Variants in BTF3L4 observed in about 807,000 individuals in gnomAD.
BTF3L4 encodes basic transcription factor 3 like 4.
In BTF3L4, 6 loss-of-function variants were observed where a neutral mutation model predicts 16.8. The observed-to-expected ratio is 0.36, with a 90% CI of 0.20 to 0.71. BTF3L4 has a LOEUF of 0.71. BTF3L4 is among the 30% of genes least tolerant of loss of function. The pLI, the probability that BTF3L4 is intolerant of heterozygous loss-of-function variation, is 0.58. For synonymous variants in BTF3L4, 39 were observed against 59.8 expected, an observed-to-expected ratio of 0.65 and a Z score of 1.60; for missense variants, 92 against 186.9, an observed-to-expected ratio of 0.49 and a Z score of 2.96.
At chr1:52,063,554 C>T (rs908231863) in intron 2 of BTF3L4, among the ~76,000 whole-genome samples, 1 of 152,172 alleles carries the variant, frequency 6.6e-6, no homozygotes, top group Non-Finnish European at 1.5e-5. Flanking sequence ...GAGATTGAAA[C>T]CACTATTCCT....
intron 1 of BTF3L4, among the ~76,000 whole-genome samples, chr1:52,057,746 T>C (rs1686409849): frequency 1.3e-5 from 2 of 152,218 alleles, no homozygotes; most frequent in Admixed American, 6.5e-5. Context: ...GTTCCTCCCC[T>C]ACTGCCTTGA....
chr1:52,057,074 A>G (rs1270778050), intron 1 of BTF3L4, among the ~76,000 whole-genome samples: 1 of 152,174 alleles, frequency 6.6e-6, no homozygotes, highest in Non-Finnish European at 1.5e-5. Context: ...AACCCTCAAA[A>G]CAACCCTGTG....
At chr1:52,081,710 G>A (rs144845719) in intron 3 of BTF3L4, among the ~76,000 whole-genome samples, 108 of 152,328 alleles carry the variant, frequency 7.1e-4, no homozygotes, top group Middle Eastern at 6.8e-3. Context: ...GAATGCTTGT[G>A]TGTGATATAA....
intron 3 of BTF3L4, among the ~76,000 whole-genome samples, chr1:52,075,173 T>G (rs988691292): frequency 2.0e-5 from 3 of 152,234 alleles, no homozygotes; most frequent in African/African-American, 7.2e-5. Context: ...TATACTGTAC[T>G]GTAATTTAAC....
rs1185680306 is a variant in BTF3L4, at chr1:52,089,140, A to G, written c.*2382A>G. On this transcript the variant is annotated 3_prime_UTR_variant, in exon 6 of 6. Coordinates refer to ENST00000313334, the MANE Select transcript of BTF3L4 (RefSeq NM_152265.5). The stretch of plus-strand genomic sequence containing the variant: ...TCATTTGAAATTTTTCAGGGAAGGG[A>G]TTTTATCATTTGTTCAGAGATGTCT... 6.6e-6 allele frequency: 1 copy of G among 152,012 alleles called. No individual in the cohort carries two copies. Among genetic ancestry groups the G allele is most frequent in the Non-Finnish European group, 1.5e-5 (1 of 68,000 alleles). The allele number at this position is 152,012 out of a possible 1,614,324, so 9.4% of individuals were successfully genotyped here.
intron 3 of BTF3L4, among the ~76,000 whole-genome samples, chr1:52,077,276 T>C (rs923112005): frequency 1.3e-5 from 2 of 152,220 alleles, no homozygotes; most frequent in Non-Finnish European, 2.9e-5. Context: ...GCGCGGTAGC[T>C]CCTACCTGTA....
chr1:52,063,862 A>G (rs529218253), intron 2 of BTF3L4, among the ~76,000 whole-genome samples: 1 of 152,264 alleles, frequency 6.6e-6, no homozygotes, highest in South Asian at 2.1e-4. Flanking sequence ...CTTCACTGCC[A>G]TATCCCTCAT....
At chr1:52,079,298 G>A (rs1016999070) in intron 3 of BTF3L4, among the ~76,000 whole-genome samples, 2 of 149,648 alleles carry the variant, frequency 1.3e-5, no homozygotes, top group Non-Finnish European at 2.9e-5. Flanking sequence ...CAGGAGAATC[G>A]CTTGAATCCG....
rs1643995107 is a variant in BTF3L4 at position 52,088,894 on chromosome 1, A to C, written c.*2136A>C. On this transcript the variant is annotated 3_prime_UTR_variant, in exon 6 of 6. Transcript: ENST00000313334. Reference sequence around the variant, plus strand: ...CAGATTCAAGCGATTCTCCTGTCTCAGCCTCCACAGTAGCTGGGATTTTTT... The same window carrying C: ...CAGATTCAAGCGATTCTCCTGTCTCCGCCTCCACAGTAGCTGGGATTTTTT... 6.7e-6 allele frequency: 1 copy of C among 149,878 alleles called. No homozygotes were observed. Among genetic ancestry groups the C allele is most frequent in the Non-Finnish European group, 1.5e-5 (1 of 67,796 alleles). 9.3% of individuals were successfully genotyped at this position (149,878 alleles called of 1,614,324 possible). A position where few individuals can be genotyped will look rare whatever the true frequency, so the allele number is the denominator to read the frequency against.
chr1:52,078,343 A>G (rs900649382), intron 3 of BTF3L4, among the ~76,000 whole-genome samples: 2 of 151,626 alleles, frequency 1.3e-5, no homozygotes, highest in Non-Finnish European at 1.5e-5. Context: ...GATTACAGAC[A>G]TGAGCCACCA....
In BTF3L4 at chr1:52,062,783, T is replaced by C. The variant is rs149143369; in HGVS notation, c.55-2042T>C. Among the ~76,000 whole-genome samples the C allele has an allele frequency of 6.9e-4, 105 of 152,352 alleles. 1 individual carries two copies. Among genetic ancestry groups the C allele is most frequent in the South Asian group, 4.1e-4 (2 of 4,832 alleles). ...TCTAAGGCAGCAGTCCGCAATCTTTTTGGCACCAGGGACTGGTTTCGTGGA... is the reference window on the plus strand; with the variant it reads ...TCTAAGGCAGCAGTCCGCAATCTTTCTGGCACCAGGGACTGGTTTCGTGGA... On this transcript the variant is annotated intron_variant, in intron 2 of 5. Coordinates refer to ENST00000313334, the MANE Select transcript of BTF3L4 (RefSeq NM_152265.5).
At chr1:52,084,580 C>A (rs1643953075) in intron 4 of BTF3L4, among the ~76,000 whole-genome samples, 1 of 151,768 alleles carries the variant, frequency 6.6e-6, no homozygotes, top group South Asian at 2.1e-4. Flanking sequence ...TTTCTTGAGG[C>A]CAGGAGCTCA....
intron 3 of BTF3L4, among the ~76,000 whole-genome samples, chr1:52,078,242 T>TTTC (rs67665191): frequency 1.5e-4 from 23 of 150,892 alleles, no homozygotes; most frequent in Admixed American, 9.3e-4. Context: ...TTTTTTTTTT[T>TTTC]TGGTAGTGAT....
chr1:52,076,144 C>T (rs1199033052), intron 3 of BTF3L4, among the ~76,000 whole-genome samples: 8 of 152,088 alleles, frequency 5.3e-5, no homozygotes, highest in African/African-American at 1.7e-4. Context: ...TTAGTGGTGG[C>T]GTATGCCTGT....
At chr1:52,062,768 C>T (rs1014346180) in intron 2 of BTF3L4, among the ~76,000 whole-genome samples, 14 of 152,210 alleles carry the variant, frequency 9.2e-5, no homozygotes, top group Admixed American at 7.9e-4. Flanking sequence ...TCTAAGGCAG[C>T]AGTCCGCAAT....
rs775929474 is a variant in BTF3L4 at position 52,086,066 on chromosome 1, A to C, written c.371-46A>C. Reference sequence around the variant, plus strand: ...GGGATAAACATTATAAGTTTTCTTTAAGGTCTTTGTTCTCAATGACTAATA... The same window carrying C: ...GGGATAAACATTATAAGTTTTCTTTCAGGTCTTTGTTCTCAATGACTAATA... On this transcript the variant is annotated intron_variant, in intron 4 of 5. Coordinates refer to ENST00000313334, the MANE Select transcript of BTF3L4 (RefSeq NM_152265.5). 26 of 1,327,176 alleles carry C rather than the reference A, an allele frequency of 2.0e-5. No homozygotes were observed. The South Asian group carries it at 2.5e-4, about 13-fold the overall frequency. 82.2% of individuals were successfully genotyped at this position (1,327,176 alleles called of 1,614,324 possible).
rs1643988157 is a variant in BTF3L4, at chr1:52,088,101, C to T, written c.*1343C>T. On this transcript the variant is annotated 3_prime_UTR_variant, in exon 6 of 6. Coordinates refer to ENST00000313334, the MANE Select transcript of BTF3L4 (RefSeq NM_152265.5). ...CTTTTTGCTATATCAGCATTTGTTA[C>T]AGCCAATATTTAAGGACAAAATTTA... is the stretch of plus-strand genomic sequence containing the variant. 6.6e-6 allele frequency: 1 copy of T among 152,596 alleles called. No individual in the cohort carries two copies. The highest frequency in any genetic ancestry group is 6.5e-5 in the Admixed American group (1 of 15,274). 9.5% of individuals were successfully genotyped at this position (152,596 alleles called of 1,614,324 possible). A position where few individuals can be genotyped will look rare whatever the true frequency, so the allele number is the denominator to read the frequency against.
At chr1:52,069,664 A>G (rs1686735423) in intron 3 of BTF3L4, among the ~76,000 whole-genome samples, 1 of 152,220 alleles carries the variant, frequency 6.6e-6, no homozygotes, top group Admixed American at 6.5e-5. Context: ...TTGTGAAACA[A>G]TATGATAGTA....
chr1:52,084,064 A>G (rs1188232610), intron 4 of BTF3L4, among the ~76,000 whole-genome samples: 1 of 152,066 alleles, frequency 6.6e-6, no homozygotes, highest in Non-Finnish European at 1.5e-5. Flanking sequence ...TGGTAGTAAT[A>G]ATAGTAAGTT....
Sources: gnomAD v4.1 joint callset for allele counts (sites outside exome capture counted in the v4.1 genomes callset) on GRCh38, gnomAD v4.1.1 for gene constraint, MANE v1.5 for transcripts, NCBI Gene and HGNC (gene_info 2026-07-23, HGNC 2026-07-21) for gene names.